The following WWC2 variants were observed in gnomAD, a reference collection of about 807,000 sequenced individuals.
The protein encoded by WWC2 is protein WWC2.
A neutral mutation model predicts 138.5 loss-of-function variants in WWC2; 101 were observed. The ratio of observed to expected loss-of-function variants is 0.73; its 90% CI spans 0.62 to 0.86. The LOEUF (loss-of-function observed/expected upper bound fraction) is 0.86, where lower values mean the gene tolerates loss of function less well. Ranked by LOEUF, WWC2 falls within the 40% of genes least tolerant of loss-of-function variation. WWC2 has a pLI of 0.00. For missense variants in WWC2, 1,420 were observed against 1,419.4 expected (o/e 1.00, Z -0.01); for synonymous variants, 558 against 538.4 (o/e 1.04, Z -0.50).
Position 183,248,748 on chromosome 4 carries a change from A to T in WWC2, c.767A>T (p.Asp256Val), listed in dbSNP as rs781334849. 1 of 1,603,704 alleles carries T rather than the reference A, an allele frequency of 6.2e-7. No homozygotes were observed. Among genetic ancestry groups the T allele is most frequent in the South Asian group, 1.1e-5 (1 of 88,926 alleles). Reference sequence around the variant, plus strand: ...AAGCTGCAGGAGCGGTTTCATTTGGATCAGAACATTGGCAGATCTGAGCCA... The same window carrying T: ...AAGCTGCAGGAGCGGTTTCATTTGGTTCAGAACATTGGCAGATCTGAGCCA... ...LAKLQERFHL[D>V]QNIGRSEPDL... The change falls in exon 7 of 23, where the codon GAT becomes GTT. Residue 256 changes from aspartate (D) to valine (V), a missense_variant. Coordinates refer to ENST00000403733, the MANE Select transcript of WWC2 (RefSeq NM_024949.6).
intron 5 of WWC2, 103 bp from the exon 6 acceptor site, chr4:183,245,313 A>C: frequency 1.9e-6 from 2 of 1,066,568 alleles, no homozygotes; most frequent in South Asian, 5.1e-5. Flanking sequence ...TCAGCAGTGA[A>C]ATAATCATCC....
intron 2 of WWC2, among the ~76,000 whole-genome samples, chr4:183,201,348 G>A (rs1308447545): frequency 9.9e-5 from 15 of 152,128 alleles, no homozygotes; most frequent in Admixed American, 8.5e-4. Flanking sequence ...TAAAATTAGT[G>A]TTTAAAATAC....
At chr4:183,130,179 A>G (rs1234516426) in intron 1 of WWC2, among the ~76,000 whole-genome samples, 1 of 151,754 alleles carries the variant, frequency 6.6e-6, no homozygotes, top group East Asian at 1.9e-4. Context: ...CAGCCTTCCA[A>G]GTAGCTGGGA....
intron 1 of WWC2, among the ~76,000 whole-genome samples, chr4:183,177,514 C>T (rs1416808868): frequency 1.3e-5 from 2 of 152,032 alleles, no homozygotes; most frequent in African/African-American, 4.8e-5. Flanking sequence ...GTCAGAAGCT[C>T]CTTTGTTGTT....
chr4:183,254,133 C>T, intron 9 of WWC2, 134 bp downstream of exon 9: 1 of 1,369,588 alleles, frequency 7.3e-7, no homozygotes, highest in Non-Finnish European at 9.7e-7. Flanking sequence ...AATGGACTTT[C>T]TGTAGAACAA....
intron 4 of WWC2, among the ~76,000 whole-genome samples, chr4:183,213,018 A>T (rs1421104079): frequency 7.9e-5 from 12 of 152,240 alleles, no homozygotes. Context: ...TTCATACATA[A>T]CTATAATAAA....
At chr4:183,307,801 C>T (rs35593009) in intron 21 of WWC2, among the ~76,000 whole-genome samples, 37,348 of 152,106 alleles carry the variant, frequency 0.25, 5,285 homozygotes, top group Non-Finnish European at 0.33. Flanking sequence ...AGACTAGGAA[C>T]GGAGTAAAAC....
intron 4 of WWC2, among the ~76,000 whole-genome samples, chr4:183,220,985 A>G (rs931451600): frequency 6.6e-6 from 1 of 152,220 alleles, no homozygotes; most frequent in African/African-American, 2.4e-5. Context: ...GTATTAATAA[A>G]TGGCCTAAAT....
At chr4:183,251,175 A>G (rs1325447717) in intron 8 of WWC2, among the ~76,000 whole-genome samples, 1 of 152,214 alleles carries the variant, frequency 6.6e-6, no homozygotes, top group Non-Finnish European at 1.5e-5. Flanking sequence ...TTTAGGCTTT[A>G]TTATCTCCTT....
At chr4:183,121,286 T>C (rs1410361613) in intron 1 of WWC2, among the ~76,000 whole-genome samples, 3 of 151,910 alleles carry the variant, frequency 2.0e-5, no homozygotes, top group Non-Finnish European at 4.4e-5. Flanking sequence ...GTTGTGCTAA[T>C]AGAGTTTGGG....
chr4:183,294,601 A>G (rs574700221), intron 21 of WWC2, among the ~76,000 whole-genome samples: 34 of 152,364 alleles, frequency 2.2e-4, no homozygotes, highest in Admixed American at 1.1e-3. Context: ...GACCATGGCT[A>G]GAGCCAGAGG....
chr4:183,129,955 C>G (rs1286579624), intron 1 of WWC2, among the ~76,000 whole-genome samples: 1 of 152,130 alleles, frequency 6.6e-6, no homozygotes, highest in Non-Finnish European at 1.5e-5. Flanking sequence ...TGTTTTCTGT[C>G]TCTGGCCTTT....
Position 183,308,629 on chromosome 4 carries a change from A to C in WWC2, c.3385-3712A>C, listed in dbSNP as rs1425484995. Among the ~76,000 whole-genome samples, 4 of 152,298 alleles carry C rather than the reference A, an allele frequency of 2.6e-5. No homozygotes were observed. The East Asian group carries it at 7.7e-4, about 29-fold the overall frequency. On this transcript the variant is annotated intron_variant, in intron 21 of 22. Coordinates refer to ENST00000403733, the MANE Select transcript of WWC2 (RefSeq NM_024949.6). ...GGACTCCCCATGGACACAGATGCTC[A>C]AGTCCTTTATATAATATGGTATAGT...
chr4:183,293,356 C>A (rs1738523962), intron 21 of WWC2, among the ~76,000 whole-genome samples: 1 of 152,108 alleles, frequency 6.6e-6, no homozygotes, highest in African/African-American at 2.4e-5. Context: ...TTATATAATT[C>A]ATTACTTTAA....
At chr4:183,112,822 A>G (rs1055705512) in intron 1 of WWC2, among the ~76,000 whole-genome samples, 2 of 152,182 alleles carry the variant, frequency 1.3e-5, no homozygotes, top group Non-Finnish European at 2.9e-5. Context: ...TAGCTGAGCT[A>G]TGAGGATAAG....
At chr4:183,308,878 T>C (rs1033329180) in intron 21 of WWC2, among the ~76,000 whole-genome samples, 9 of 152,204 alleles carry the variant, frequency 5.9e-5, no homozygotes, top group Non-Finnish European at 1.0e-4. Context: ...ATATTTTCTA[T>C]TCATGGTTGG....
chr4:183,124,493 GT>G (rs1732697555), intron 1 of WWC2, among the ~76,000 whole-genome samples: 1 of 124,540 alleles, frequency 8.0e-6, no homozygotes, highest in Admixed American at 7.7e-5. Flanking sequence ...TTATGCTTTT[GT>G]TTTTAGTTTT....
At chr4:183,171,954 G>A (rs1432268102) in intron 1 of WWC2, among the ~76,000 whole-genome samples, 1 of 152,130 alleles carries the variant, frequency 6.6e-6, no homozygotes, top group African/African-American at 2.4e-5. Context: ...AGTAGTCTGT[G>A]TGTACATTTT....
intron 1 of WWC2, among the ~76,000 whole-genome samples, chr4:183,124,889 A>G (rs1227252396): frequency 1.3e-5 from 2 of 152,126 alleles, no homozygotes; most frequent in Admixed American, 1.3e-4. Flanking sequence ...CTTTATTCAG[A>G]ACTTAGAATC....
Sources: gnomAD v4.1 joint callset for allele counts (sites outside exome capture counted in the v4.1 genomes callset) on GRCh38, gnomAD v4.1.1 for gene constraint, MANE v1.5 for transcripts, NCBI Gene and HGNC (gene_info 2026-07-23, HGNC 2026-07-21) for gene names.